USP10: variants seen among roughly 807,000 people sequenced by gnomAD.
USP10 encodes ubiquitin specific peptidase 10, also known as ubiquitin carboxyl-terminal hydrolase 10.
USP10 carries 22 observed loss-of-function variants against 84.5 expected under a neutral mutation model. The ratio of observed to expected loss-of-function variants is 0.26; its 90% confidence interval spans 0.19 to 0.37. The LOEUF (loss-of-function observed/expected upper bound fraction) is 0.37, where lower values mean the gene tolerates loss of function less well. Ranked by LOEUF, USP10 falls within the 10% of genes least tolerant of loss-of-function variation. The pLI is 1.00. For missense variants in USP10, 1,019 were observed against 998.9 expected (o/e 1.02, Z -0.27); for synonymous variants, 454 against 387.6 (o/e 1.17, Z -2.01).
intron 1 of USP10, among the ~76,000 whole-genome samples, chr16:84,706,792 G>A (rs557916884): frequency 4.3e-4 from 65 of 151,606 alleles, no homozygotes; most frequent in Middle Eastern, 6.8e-3. Flanking sequence ...TGCCCACCTC[G>A]GCCTCCCAGA....
At chr16:84,724,339 T>C (rs1908182709) in intron 1 of USP10, among the ~76,000 whole-genome samples, 1 of 152,188 alleles carries the variant, frequency 6.6e-6, no homozygotes, top group Non-Finnish European at 1.5e-5. Context: ...GCTCGGAATC[T>C]CCATGAAAGC....
intron 13 of USP10, among the ~76,000 whole-genome samples, chr16:84,776,899 G>T (rs1458531154): frequency 2.0e-5 from 3 of 152,214 alleles, no homozygotes; most frequent in African/African-American, 7.2e-5. Flanking sequence ...TGCAACCTCT[G>T]CCTCCCAGGT....
chr16:84,774,128 T>C (rs965504107), intron 12 of USP10, among the ~76,000 whole-genome samples: 6 of 151,686 alleles, frequency 4.0e-5, no homozygotes, highest in African/African-American at 1.4e-4. Flanking sequence ...TGGGTGCCTG[T>C]AATCCTAGCT....
chr16:84,774,497 T>TTCTTCGAGACGGAG (rs77818365), intron 12 of USP10, among the ~76,000 whole-genome samples: 1 of 150,226 alleles, frequency 6.7e-6, no homozygotes, highest in African/African-American at 2.5e-5. Flanking sequence ...GTTTGTTTTT[T>TTCTTCGAGACGGAG]TCTTGCTCTG....
At chr16:84,755,228 C>T (rs1392372522) in intron 4 of USP10, among the ~76,000 whole-genome samples, 2 of 151,604 alleles carry the variant, frequency 1.3e-5, no homozygotes, top group Admixed American at 6.6e-5. Context: ...TGTTCAAGCC[C>T]CGTCTCACCC....
Position 84,763,088 on chromosome 16 carries a change from A to G in USP10, c.1654A>G (p.Lys552Glu). ...GAAGCTTCTCTCACCAAGTAATGAA[A>G]GTAGGTTATGGTCCACTTGCCGCAG... ...LKKLLSPSNEKLTISNGPKNH... is the reference protein window; with the variant it reads ...LKKLLSPSNEELTISNGPKNH... The change falls in exon 9 of 14, where the codon AAA becomes GAA. Residue 552 changes from lysine to glutamate, a missense_variant and splice_region_variant. Physicochemically the swap from Lys to Glu is moderately conservative, Grantham distance 56. Transcript: ENST00000219473. The G allele has an allele frequency of 6.2e-7, 1 of 1,606,374 alleles. No homozygotes were observed. The highest frequency in any genetic ancestry group is 8.5e-7 in the Non-Finnish European group (1 of 1,173,340).
intron 4 of USP10, 71 bp downstream of exon 4, chr16:84,745,744 G>T (rs1911156520): frequency 2.1e-6 from 3 of 1,462,922 alleles, no homozygotes; most frequent in Non-Finnish European, 2.8e-6. Flanking sequence ...TATAGACTGT[G>T]GTGTTACCCA....
At chr16:84,717,186 G>A (rs1907142491) in intron 1 of USP10, among the ~76,000 whole-genome samples, 2 of 152,026 alleles carry the variant, frequency 1.3e-5, no homozygotes, top group Admixed American at 1.3e-4. Flanking sequence ...ATTGGGCTTC[G>A]GGAGCTTCAG....
intron 4 of USP10, among the ~76,000 whole-genome samples, chr16:84,756,180 T>A (rs1455856310): frequency 6.6e-6 from 1 of 150,836 alleles, no homozygotes; most frequent in Non-Finnish European, 1.5e-5. Context: ...CCTTCACTGG[T>A]CTGCGAGCTT....
intron 2 of USP10, among the ~76,000 whole-genome samples, chr16:84,734,341 C>G (rs1042734586): frequency 6.6e-6 from 1 of 152,102 alleles, no homozygotes; most frequent in Non-Finnish European, 1.5e-5. Flanking sequence ...TAAATGGACT[C>G]TCATTGTTTT....
At chr16:84,715,637 CTTT>C (rs530012035) in intron 1 of USP10, among the ~76,000 whole-genome samples, 4 of 147,868 alleles carry the variant, frequency 2.7e-5, no homozygotes, top group East Asian at 2.0e-4. Flanking sequence ...GGTGCCCTCC[CTTT>C]TTTTTTTAAA....
At chr16:84,755,978 G>A (rs1361084447) in intron 4 of USP10, among the ~76,000 whole-genome samples, 1 of 152,130 alleles carries the variant, frequency 6.6e-6, no homozygotes, top group East Asian at 1.9e-4. Flanking sequence ...GCCCCAGTCA[G>A]TGAGAACCTT....
chr16:84,709,689 G>A (rs1906022158), intron 1 of USP10, among the ~76,000 whole-genome samples: 1 of 152,148 alleles, frequency 6.6e-6, no homozygotes, highest in South Asian at 2.1e-4. Context: ...TTCAAAAAAG[G>A]AGGAGAGTGG....
intron 1 of USP10, among the ~76,000 whole-genome samples, chr16:84,715,771 G>T (rs535013294): frequency 6.6e-6 from 1 of 152,116 alleles, no homozygotes; most frequent in Non-Finnish European, 1.5e-5. Context: ...TAATTCAGCC[G>T]TTTAGTTACA....
At chr16:84,755,255 C>T (rs1912398169) in intron 4 of USP10, among the ~76,000 whole-genome samples, 1 of 151,750 alleles carries the variant, frequency 6.6e-6, no homozygotes, top group Admixed American at 6.6e-5. Context: ...GGCATCTTCG[C>T]CCTAACTCTG....
intron 13 of USP10, among the ~76,000 whole-genome samples, chr16:84,775,698 G>T (rs1465863319): frequency 5.3e-5 from 8 of 152,222 alleles, no homozygotes; most frequent in Non-Finnish European, 1.0e-4. Context: ...CTCCTCGGCT[G>T]CCAGGCCCTC....
intron 3 of USP10, among the ~76,000 whole-genome samples, chr16:84,742,671 T>G (rs1056151175): frequency 6.6e-6 from 1 of 152,224 alleles, no homozygotes; most frequent in Non-Finnish European, 1.5e-5. Flanking sequence ...GCACTTCGTC[T>G]GCCTGGCACA....
intron 10 of USP10, among the ~76,000 whole-genome samples, chr16:84,764,556 C>T (rs181991840): frequency 9.2e-5 from 14 of 152,268 alleles, no homozygotes; most frequent in African/African-American, 3.1e-4. Flanking sequence ...ATTGGCCATA[C>T]GCGGTGGTTC....
At chr16:84,739,141 C>G (rs1910310742) in intron 2 of USP10, among the ~76,000 whole-genome samples, 1 of 151,570 alleles carries the variant, frequency 6.6e-6, no homozygotes, top group South Asian at 2.1e-4. Flanking sequence ...TCACTGCAAG[C>G]TCCGCCTCCC....
Sources: gnomAD v4.1 joint callset for allele counts (sites outside exome capture counted in the v4.1 genomes callset) on GRCh38, gnomAD v4.1.1 for gene constraint, MANE v1.5 for transcripts, NCBI Gene and HGNC (gene_info 2026-07-23, HGNC 2026-07-21) for gene names.